Variants in TTC9C observed in about 807,000 individuals in gnomAD.
TTC9C encodes the protein tetratricopeptide repeat protein 9C.
TTC9C carries 15 observed loss-of-function variants against 22.5 expected under a neutral mutation model. The ratio of observed to expected loss-of-function variants is 0.67; its 90% CI spans 0.45 to 1.03. The LOEUF (loss-of-function observed/expected upper bound fraction) is 1.03, where lower values mean the gene tolerates loss of function less well. TTC9C is among the 50% of genes least tolerant of loss of function. The probability of loss-of-function intolerance (pLI) is 0.00; values close to 1 mark genes in which losing one functional copy is unlikely to be tolerated. For synonymous variants in TTC9C, 92 were observed against 86.8 expected, an observed-to-expected ratio of 1.06 and a Z score of -0.33; for missense variants, 244 against 214.6, an observed-to-expected ratio of 1.14 and a Z score of -0.86.
At chr11:62,734,480 C>T (rs779763306) in intron 1 of TTC9C, among the ~76,000 whole-genome samples, 1 of 151,918 alleles carries the variant, frequency 6.6e-6, no homozygotes, top group African/African-American at 2.4e-5. Flanking sequence ...CCCAGCTACT[C>T]GGGAGGCTGA....
chr11:62,728,704 A>C lies in TTC9C; in HGVS notation c.-145A>C, dbSNP rs1239532692. On this transcript the variant is annotated 5_prime_UTR_variant, in exon 1 of 3. Transcript: ENST00000316461. Reference sequence around the variant, plus strand: ...CTTTCAGTAGAAACAAGCAAACCGCAGGTCCCTGTGGGGGGACTCTCCAGG... The same window carrying C: ...CTTTCAGTAGAAACAAGCAAACCGCCGGTCCCTGTGGGGGGACTCTCCAGG... 4 of 787,968 alleles carry C rather than the reference A, an allele frequency of 5.1e-6. No homozygotes were observed. Among genetic ancestry groups the C allele is most frequent in the Non-Finnish European group, 8.7e-6 (4 of 460,466 alleles). 48.8% of individuals were successfully genotyped at this position (787,968 alleles called of 1,614,324 possible). A position where few individuals can be genotyped will look rare whatever the true frequency, so the allele number is the denominator to read the frequency against.
chr11:62,733,588 T>A (rs1487261620), intron 1 of TTC9C, among the ~76,000 whole-genome samples: 1 of 152,074 alleles, frequency 6.6e-6, no homozygotes. Flanking sequence ...GTTTGTTTTT[T>A]AAAAAATTGT....
In TTC9C at chr11:62,728,540, GTTC is replaced by G. The variant is rs1432770048; in HGVS notation, c.-305_-303del. The G allele has an allele frequency of 1.6e-5, 8 of 512,740 alleles. No individual in the cohort carries two copies. The highest frequency in any genetic ancestry group is 2.3e-5 in the Non-Finnish European group (6 of 264,642). 31.8% of individuals were successfully genotyped at this position (512,740 alleles called of 1,614,324 possible). On this transcript the variant is annotated 5_prime_UTR_variant, in exon 1 of 3. Transcript: ENST00000316461. Reference sequence around the variant, plus strand: ...AATTCCTGAGTAGGGCCTTGCTTGAGTTCTTCGGAAAGTCTCATCCACCCCCAC... The same window carrying G: ...AATTCCTGAGTAGGGCCTTGCTTGAGTTCGGAAAGTCTCATCCACCCCCAC...
intron 1 of TTC9C, among the ~76,000 whole-genome samples, chr11:62,732,144 C>T (rs111581664): frequency 0.069 from 10,378 of 150,806 alleles, 773 homozygotes; most frequent in African/African-American, 0.18. Flanking sequence ...TACAGGCGCC[C>T]GCCACCACGC....
intron 1 of TTC9C, among the ~76,000 whole-genome samples, chr11:62,731,985 A>G: frequency 8.7e-6 from 1 of 115,492 alleles, no homozygotes; most frequent in Non-Finnish European, 1.7e-5. Context: ...GCGCCTGGTC[A>G]GCACTTTTTT....
intron 2 of TTC9C, 92 bp downstream of exon 2, chr11:62,735,656 A>G: frequency 6.9e-7 from 1 of 1,443,592 alleles, no homozygotes; most frequent in Non-Finnish European, 9.1e-7. Context: ...TTGCCAATGT[A>G]TTATTTTCAA....
intron 1 of TTC9C, chr11:62,733,181 T>G (rs2083872313): frequency 7.8e-7 from 1 of 1,285,556 alleles, no homozygotes; most frequent in Non-Finnish European, 1.0e-6. Context: ...CTGAATTGCC[T>G]GAATTGACTC....
intron 1 of TTC9C, chr11:62,733,129 G>A: frequency 7.8e-7 from 1 of 1,288,094 alleles, no homozygotes; most frequent in South Asian, 1.2e-5. Context: ...TGTGAAATAG[G>A]GAGTGTTTCC....
Position 62,728,640 on chromosome 11 carries a change from C to T in TTC9C, c.-209C>T, listed in dbSNP as rs1296315053. On this transcript the variant is annotated 5_prime_UTR_variant, in exon 1 of 3. Coordinates refer to ENST00000316461, the MANE Select transcript of TTC9C (RefSeq NM_173810.4). ...CATCCCTTTCCTTACTACTTGCCTG[C>T]ACTTCTTGAGAAAAAGACTGCAGAA... 1 of 685,954 alleles carries T rather than the reference C, an allele frequency of 1.5e-6. No homozygotes were observed. The highest frequency in any genetic ancestry group is 1.8e-5 in the African/African-American group (1 of 56,946). The allele number at this position is 685,954 out of a possible 1,614,324, so 42.5% of individuals were successfully genotyped here.
Position 62,728,559 on chromosome 11 carries a change from C to G in TTC9C, c.-290C>G, listed in dbSNP as rs565466043. ...GCTTGAGTTCTTCGGAAAGTCTCAT[C>G]CACCCCCACATCGCCTCTTTAGGAA... On this transcript the variant is annotated 5_prime_UTR_variant, in exon 1 of 3. In the 5' UTR this introduces an upstream ATG that the reference lacks. Coordinates refer to ENST00000316461, the MANE Select transcript of TTC9C (RefSeq NM_173810.4). The G allele has an allele frequency of 1.3e-5, 7 of 536,470 alleles. No individual in the cohort carries two copies. In the Middle Eastern group the frequency reaches 1.1e-3, roughly 86 times the overall value. 33.2% of individuals were successfully genotyped at this position (536,470 alleles called of 1,614,324 possible).
intron 2 of TTC9C, among the ~76,000 whole-genome samples, chr11:62,737,055 C>T (rs918029445): frequency 6.6e-6 from 1 of 151,280 alleles, no homozygotes; most frequent in Non-Finnish European, 1.5e-5. Flanking sequence ...AGAAATTAGC[C>T]GGGCGTGGTG....
At chr11:62,733,192 C>T (rs753225008) in intron 1 of TTC9C, 4 of 1,280,146 alleles carry the variant, frequency 3.1e-6, no homozygotes, top group Non-Finnish European at 4.1e-6. Flanking sequence ...GAATTGACTC[C>T]TCTGCAGGTT....
chr11:62,730,712 T>A lies in TTC9C; in HGVS notation c.238+1626T>A, dbSNP rs557264850. 7.6e-4 allele frequency among the ~76,000 whole-genome samples: 116 copies of A among 151,854 alleles called. 1 individual carries two copies. Among genetic ancestry groups the A allele is most frequent in the African/African-American group, 2.5e-3 (105 of 41,394 alleles). On this transcript the variant is annotated intron_variant, in intron 1 of 2. Transcript: ENST00000316461. ...CCTCAGCCTCCCAAGTAGCTGGGAT[T>A]AGAGGCATGTGGCACCATGCCCTGC... is the stretch of plus-strand genomic sequence containing the variant.
At chr11:62,733,699 A>G (rs909623035) in intron 1 of TTC9C, among the ~76,000 whole-genome samples, 1 of 151,960 alleles carries the variant, frequency 6.6e-6, no homozygotes, top group Non-Finnish European at 1.5e-5. Context: ...AATTTTATAT[A>G]AAAAATTAAT....
chr11:62,731,712 CAG>C (rs890011540), intron 1 of TTC9C, among the ~76,000 whole-genome samples: 24 of 150,688 alleles, frequency 1.6e-4, no homozygotes, highest in African/African-American at 4.9e-4. Context: ...TTTTTTGAGA[CAG>C]AGTCTTGCTC....
chr11:62,735,198 T>C (rs899467643), intron 1 of TTC9C, among the ~76,000 whole-genome samples, 184 bp from the exon 2 acceptor site: 1 of 152,214 alleles, frequency 6.6e-6, no homozygotes, highest in Non-Finnish European at 1.5e-5. Context: ...CTGGCCGATA[T>C]GTGAAGCTTT....
chr11:62,738,505 C>G lies in TTC9C; in HGVS notation c.*123C>G. On this transcript the variant is annotated 3_prime_UTR_variant, in exon 3 of 3. Transcript: ENST00000316461. ...CTCTGACCCAGGTGGATTTTTGTTT[C>G]TAGTTCTGCACAAACTTCACTACTT... 1.6e-6 allele frequency: 1 copy of G among 637,068 alleles called. No individual in the cohort carries two copies. 39.5% of individuals were successfully genotyped at this position (637,068 alleles called of 1,614,324 possible).
chr11:62,735,314 A>G lies in TTC9C; in HGVS notation c.239-68A>G, dbSNP rs895992719. 2.5e-6 allele frequency: 4 copies of G among 1,580,276 alleles called. No homozygotes were observed. In the South Asian group the frequency reaches 4.7e-5, roughly 19 times the overall value. On this transcript the variant is annotated intron_variant, in intron 1 of 2. Transcript: ENST00000316461. ...TACCACCCTGTTCAGTACTGTCTTG[A>G]GCTGGCCAGTGGAACCTGGTGTAAC...
At chr11:62,728,259 T>A (rs1338058942), upstream of TTC9C, 1 of 340,620 alleles carries the variant, frequency 2.9e-6, no homozygotes, top group East Asian at 8.2e-5. Context: ...GAGGAACTGG[T>A]CACGGCGCCG....
Sources: allele counts gnomAD v4.1 joint callset (sites outside exome capture counted in the v4.1 genomes callset), GRCh38; gene constraint gnomAD v4.1.1; transcripts MANE v1.5; gene names NCBI Gene and HGNC (gene_info 2026-07-23, HGNC 2026-07-21).